The following PAPSS2 variants were observed in gnomAD, a reference collection of about 807,000 sequenced individuals.
PAPSS2 encodes the protein bifunctional 3'-phosphoadenosine 5'-phosphosulfate synthase 2.
PAPSS2 carries 61 observed loss-of-function variants against 66.5 expected under a neutral mutation model. That is an observed-to-expected ratio of 0.92 (90% CI 0.75 to 1.14). The LOEUF (loss-of-function observed/expected upper bound fraction) is 1.14. Among genes scored for constraint, PAPSS2 ranks in the 50% most tolerant of loss-of-function variants. The pLI, the probability that PAPSS2 is intolerant of heterozygous loss-of-function variation, is 0.00. For missense variants in PAPSS2, 708 were observed against 789.6 expected (o/e 0.90, Z 1.24); for synonymous variants, 289 against 287.5 (o/e 1.01, Z -0.05).
At chr10:87,687,084 A>G (rs570010331) in intron 1 of PAPSS2, among the ~76,000 whole-genome samples, 1 of 152,304 alleles carries the variant, frequency 6.6e-6, no homozygotes, top group East Asian at 1.9e-4. Context: ...GGTTTGCAAT[A>G]TATTTTCAGC....
chr10:87,719,859 A>C (rs1564723184), intron 7 of PAPSS2, among the ~76,000 whole-genome samples: 1 of 151,958 alleles, frequency 6.6e-6, no homozygotes. Flanking sequence ...AGTGGTTGTG[A>C]AACTTTCTTT....
At chr10:87,721,896 G>A in intron 8 of PAPSS2, 126 bp downstream of exon 8, 1 of 626,868 alleles carries the variant, frequency 1.6e-6, no homozygotes, top group South Asian at 2.1e-5. Context: ...ATTAGTTCAT[G>A]ATCCAACCAG....
chr10:87,659,907 C>A lies in PAPSS2; in HGVS notation c.-75C>A. On this transcript the variant is annotated 5_prime_UTR_variant, in exon 1 of 13. Coordinates refer to ENST00000456849, the MANE Select transcript of PAPSS2 (RefSeq NM_001015880.2). ...GCTGCTGCTGCTGCTGCTGCTGCTG[C>A]CGCCGCCGCCGCCGCCGTCCCTGCG... 1.4e-6 allele frequency: 2 copies of A among 1,451,306 alleles called. No homozygotes were observed. The highest frequency in any genetic ancestry group is 1.2e-5 in the South Asian group (1 of 85,896). The allele number at this position is 1,451,306 out of a possible 1,614,324, so 89.9% of individuals were successfully genotyped here.
In PAPSS2 at chr10:87,727,265, C is replaced by A; in HGVS notation, c.881-19C>A. The A allele has an allele frequency of 1.2e-6, 2 of 1,608,358 alleles. No homozygotes were observed. Among genetic ancestry groups the A allele is most frequent in the South Asian group, 1.1e-5 (1 of 90,914 alleles). On this transcript the variant is annotated intron_variant, in intron 8 of 12. Transcript: ENST00000456849. ...CACCTTATATCTAGTTTTCGTGCAT[C>A]ACATGGCTCTTTCCACAGATGGCGT...
chr10:87,665,909 A>G (rs1278050823), intron 1 of PAPSS2, among the ~76,000 whole-genome samples: 1 of 149,828 alleles, frequency 6.7e-6, no homozygotes, highest in Non-Finnish European at 1.5e-5. Context: ...TTTCTTCCAG[A>G]TTTTGGCCTA....
chr10:87,713,955 G>T, intron 3 of PAPSS2, 89 bp from the exon 4 acceptor site: 2 of 1,367,970 alleles, frequency 1.5e-6, no homozygotes, highest in South Asian at 2.3e-5. Flanking sequence ...TTATCTCAAG[G>T]CTATTGAAAA....
chr10:87,703,473 A>G (rs956541970), intron 1 of PAPSS2, among the ~76,000 whole-genome samples: 5 of 152,158 alleles, frequency 3.3e-5, no homozygotes, highest in Non-Finnish European at 5.9e-5. Flanking sequence ...ATTAAATGCC[A>G]CCTGGACTGA....
rs770584804 is a variant in PAPSS2 at position 87,743,489 on chromosome 10, C to T, written c.1339C>T (p.His447Tyr). The T allele has an allele frequency of 6.2e-7, 1 of 1,614,182 alleles. No homozygotes were observed. Among genetic ancestry groups the T allele is most frequent in the Non-Finnish European group, 8.5e-7 (1 of 1,180,016 alleles). Residue 447 changes from histidine to tyrosine, a missense_variant, in exon 11 of 13, where the codon CAC (histidine) becomes TAC (tyrosine). By Grantham distance (83) the His-to-Tyr change is moderately conservative. Transcript: ENST00000456849. ...CTACAAGCACCCGGTCCTCCTACTA[C>T]ACCCTCTGGGCGGCTGGACCAAGGA... ...RGYKHPVLLL[H>Y]PLGGWTKDDD...
chr10:87,701,448 G>A (rs1416012460), intron 1 of PAPSS2, among the ~76,000 whole-genome samples: 1 of 124,914 alleles, frequency 8.0e-6, no homozygotes. Context: ...TTCAGACAAG[G>A]TCTCACTCCA....
In PAPSS2 at chr10:87,703,646, C is replaced by A. The variant is rs1223045869; in HGVS notation, c.28-5550C>A. On this transcript the variant is annotated intron_variant, in intron 1 of 12. Transcript: ENST00000456849. ...GATGTTAATAACTTGCTCCAGGTCA[C>A]AGAGCAAATCAGCCGTGAAGCAGGT... is the stretch of plus-strand genomic sequence containing the variant. 8.3e-6 allele frequency: 4 copies of A among 481,152 alleles called. No individual in the cohort carries two copies. In the East Asian group the frequency reaches 1.7e-4, roughly 20 times the overall value. The allele number at this position is 481,152 out of a possible 1,614,324, so 29.8% of individuals were successfully genotyped here.
intron 1 of PAPSS2, among the ~76,000 whole-genome samples, chr10:87,692,140 T>C (rs565031565): frequency 6.6e-6 from 1 of 152,192 alleles, no homozygotes; most frequent in African/African-American, 2.4e-5. Flanking sequence ...AGACAAGCAA[T>C]AGGATGGCTC....
At chr10:87,660,044 C>G in intron 1 of PAPSS2, 36 bp downstream of exon 1, 2 of 1,600,082 alleles carry the variant, frequency 1.2e-6, no homozygotes, top group Non-Finnish European at 1.7e-6. Flanking sequence ...TCCCCGCCAC[C>G]GCACTGCACG....
chr10:87,726,384 C>T (rs938879573), intron 8 of PAPSS2, among the ~76,000 whole-genome samples: 2 of 152,146 alleles, frequency 1.3e-5, no homozygotes, highest in African/African-American at 2.4e-5. Context: ...GAGCCAAGAT[C>T]GTGCCAGTGA....
chr10:87,714,147 G>C lies in PAPSS2; in HGVS notation c.485G>C (p.Gly162Ala), dbSNP rs1853502852. ...ATTTGTGAAAGCAGAGACGTAAAAGGCCTCTATAAAAGGGCCAGAGCTGGG... is the reference window on the plus strand; with the variant it reads ...ATTTGTGAAAGCAGAGACGTAAAAGCCCTCTATAAAAGGGCCAGAGCTGGG... ...LNICESRDVK[G>A]LYKRARAGEI... Residue 162 changes from glycine (G) to alanine (A), a missense_variant, in exon 4 of 13, where the codon GGC becomes GCC. Physicochemically the swap from Gly to Ala is moderately conservative, Grantham distance 60. Coordinates refer to ENST00000456849, the MANE Select transcript of PAPSS2 (RefSeq NM_001015880.2). The C allele has an allele frequency of 6.2e-6, 10 of 1,613,866 alleles. No individual in the cohort carries two copies. The highest frequency in any genetic ancestry group is 7.6e-6 in the Non-Finnish European group (9 of 1,179,924).
intron 1 of PAPSS2, among the ~76,000 whole-genome samples, chr10:87,695,080 G>A (rs1210573510): frequency 1.3e-5 from 2 of 152,236 alleles, no homozygotes; most frequent in African/African-American, 4.8e-5. Flanking sequence ...GGAGTGAAAT[G>A]CAACGATGTC....
intron 7 of PAPSS2, among the ~76,000 whole-genome samples, chr10:87,720,607 C>G (rs1027513845): frequency 7.9e-5 from 12 of 152,134 alleles, no homozygotes; most frequent in African/African-American, 2.9e-4. Flanking sequence ...TCTTGATTAC[C>G]TACAATCTGA....
intron 2 of PAPSS2, among the ~76,000 whole-genome samples, chr10:87,709,592 T>G (rs893892567): frequency 3.9e-5 from 6 of 152,210 alleles, no homozygotes; most frequent in South Asian, 2.1e-4. Context: ...AAGATGATTA[T>G]GACATCCCCT....
intron 9 of PAPSS2, among the ~76,000 whole-genome samples, chr10:87,735,870 C>T (rs1312112465): frequency 6.6e-6 from 1 of 152,218 alleles, no homozygotes; most frequent in Non-Finnish European, 1.5e-5. Context: ...ATCCCCCACT[C>T]CCTGAACCTC....
chr10:87,670,699 A>G (rs1208433948), intron 1 of PAPSS2, among the ~76,000 whole-genome samples: 1 of 152,212 alleles, frequency 6.6e-6, no homozygotes, highest in Non-Finnish European at 1.5e-5. Context: ...AAAAAGAATC[A>G]TGGTGACTGC....
Sources: gnomAD v4.1 joint callset for allele counts (sites outside exome capture counted in the v4.1 genomes callset) on GRCh38, gnomAD v4.1.1 for gene constraint, MANE v1.5 for transcripts, NCBI Gene and HGNC (gene_info 2026-07-23, HGNC 2026-07-21) for gene names.